The following SHANK2 variants were observed in gnomAD, a reference collection of about 807,000 sequenced individuals.
The protein encoded by SHANK2 is SH3 and multiple ankyrin repeat domains protein 2.
In SHANK2, 43 loss-of-function variants were observed where a neutral mutation model predicts 133.7. The ratio of observed to expected loss-of-function variants is 0.32; its 90% CI spans 0.25 to 0.41. SHANK2 has a LOEUF of 0.41. SHANK2 is among the 10% of genes least tolerant of loss of function. The probability of loss-of-function intolerance (pLI) is 1.00; values close to 1 mark genes in which losing one functional copy is unlikely to be tolerated. For synonymous variants in SHANK2, 1,017 were observed against 952.8 expected, an observed-to-expected ratio of 1.07 and a Z score of -1.24; for missense variants, 1,994 against 2,235.8, an observed-to-expected ratio of 0.89 and a Z score of 2.18.
At chr11:71,064,491 G>A (rs1437285737) in intron 9 of SHANK2, among the ~76,000 whole-genome samples, 2 of 152,214 alleles carry the variant, frequency 1.3e-5, no homozygotes, top group Admixed American at 6.5e-5. Context: ...AAGGGCACAG[G>A]ACACAAGCCC....
intron 17 of SHANK2, among the ~76,000 whole-genome samples, chr11:70,659,411 G>A (rs1293579628): frequency 1.3e-5 from 2 of 152,028 alleles, no homozygotes; most frequent in African/African-American, 2.4e-5. Flanking sequence ...CAGACCTCAC[G>A]CCAGCAACTG....
At chr11:71,195,103 G>T (rs1159485265) in intron 2 of SHANK2, among the ~76,000 whole-genome samples, 1 of 152,214 alleles carries the variant, frequency 6.6e-6, no homozygotes, top group Non-Finnish European at 1.5e-5. Context: ...ATTAAAAAGT[G>T]CCTAACTGGC....
intron 3 of SHANK2, among the ~76,000 whole-genome samples, chr11:71,144,810 C>T (rs1328174469): frequency 6.6e-6 from 1 of 152,178 alleles, no homozygotes; most frequent in Non-Finnish European, 1.5e-5. Flanking sequence ...ATCTTTTTCT[C>T]CTCTTATATT....
chr11:70,627,043 G>A (rs1280512887), intron 17 of SHANK2, among the ~76,000 whole-genome samples: 1 of 152,212 alleles, frequency 6.6e-6, no homozygotes, highest in Non-Finnish European at 1.5e-5. Flanking sequence ...GAGCCTGGAG[G>A]TGGGGGGCGT....
chr11:70,764,888 T>C (rs895007043), intron 14 of SHANK2, among the ~76,000 whole-genome samples: 1 of 152,178 alleles, frequency 6.6e-6, no homozygotes, highest in South Asian at 2.1e-4. Flanking sequence ...TTAGCACCTG[T>C]TTTATGCCAA....
intron 3 of SHANK2, among the ~76,000 whole-genome samples, chr11:71,133,976 C>T (rs1952385200): frequency 6.7e-6 from 1 of 149,238 alleles, no homozygotes; most frequent in Non-Finnish European, 1.5e-5. Flanking sequence ...CCCAGGTGAT[C>T]CCCCTGCCTG....
intron 14 of SHANK2, among the ~76,000 whole-genome samples, chr11:70,775,150 C>T (rs1947334418): frequency 6.6e-6 from 1 of 152,032 alleles, no homozygotes; most frequent in African/African-American, 2.4e-5. Flanking sequence ...CAAAGGCAAT[C>T]CTGTCTCTTA....
At chr11:70,591,976 C>A (rs1565158092) in intron 17 of SHANK2, among the ~76,000 whole-genome samples, 1 of 151,882 alleles carries the variant, frequency 6.6e-6, no homozygotes. Flanking sequence ...TGAGATGGCA[C>A]CATCCAAGAT....
Position 70,500,499 on chromosome 11 carries a change from C to A in SHANK2, c.2308+71G>T. The A allele has an allele frequency of 6.4e-7, 1 of 1,563,112 alleles. No individual in the cohort carries two copies. The highest frequency in any genetic ancestry group is 8.7e-7 in the Non-Finnish European group (1 of 1,152,242). On this transcript the variant is annotated intron_variant, in intron 21 of 25. Coordinates refer to ENST00000601538, the MANE Select transcript of SHANK2 (RefSeq NM_012309.5). The surrounding 1 kb of genome is among the most constrained non-coding windows in gnomAD (Gnocchi z 4.5). Reference sequence around the variant, plus strand: ...CGACACATTTGAGACTTCACGGCATCACAAAGGATGTTTCTGTTCCACAGG... The same window carrying A: ...CGACACATTTGAGACTTCACGGCATAACAAAGGATGTTTCTGTTCCACAGG...
At position 70,931,887 on chromosome 11, in the gene SHANK2, GA is replaced by G. The variant is rs560622421; in HGVS notation, c.1108-35321del. ...AAATCATACTAATGTTTTTTATAAA[GA>G]AAGAAAAACATCATCCATCTTCAAG... is the stretch of plus-strand genomic sequence containing the variant. On this transcript the variant is annotated intron_variant, in intron 10 of 25. Coordinates refer to ENST00000601538, the MANE Select transcript of SHANK2 (RefSeq NM_012309.5). Among the ~76,000 whole-genome samples, 11 of 152,228 alleles carry G rather than the reference GA, an allele frequency of 7.2e-5. No homozygotes were observed. The South Asian group carries it at 2.1e-3, about 29-fold the overall frequency.
chr11:70,617,007 CTGAG>C (rs1554996164), intron 17 of SHANK2, among the ~76,000 whole-genome samples: 2 of 151,826 alleles, frequency 1.3e-5, no homozygotes, highest in South Asian at 2.1e-4. Context: ...CTGTGTGTCA[CTGAG>C]TGTGTGCCTA....
chr11:70,579,237 C>T (rs1371567272), intron 17 of SHANK2, among the ~76,000 whole-genome samples: 1 of 152,192 alleles, frequency 6.6e-6, no homozygotes, highest in Non-Finnish European at 1.5e-5. Context: ...TCATATTTCT[C>T]AAGAAAATCA....
intron 2 of SHANK2, among the ~76,000 whole-genome samples, chr11:71,167,648 G>C (rs1953195536): frequency 6.8e-6 from 1 of 147,702 alleles, no homozygotes; most frequent in Non-Finnish European, 1.5e-5. Context: ...TCCCGGACAG[G>C]ACAGCTGGCC....
At chr11:70,876,300 G>T (rs1242235561) in intron 11 of SHANK2, among the ~76,000 whole-genome samples, 1 of 140,536 alleles carries the variant, frequency 7.1e-6, no homozygotes, top group African/African-American at 2.6e-5. Context: ...GGTGGCTCAC[G>T]CCTGTAATCC....
chr11:70,678,088 C>T (rs1944939397), intron 15 of SHANK2, among the ~76,000 whole-genome samples: 1 of 152,180 alleles, frequency 6.6e-6, no homozygotes, highest in African/African-American at 2.4e-5. Context: ...TTAAATCTTC[C>T]CCATTCTCCA....
Position 70,487,409 on chromosome 11 carries a change from CCAAGGAGTA to C in SHANK2, c.2875_2883del (p.Tyr959_Leu961del). On this transcript the variant is annotated inframe_deletion, in exon 25 of 26. Transcript: ENST00000601538. The surrounding 1 kb of genome is among the most constrained non-coding windows in gnomAD (Gnocchi z 5.8). ...TTCCGACTGTAGAGGTCTTCAGAGT[CCAAGGAGTA>C]GCGGTCCAGCTCTCTCCTGAAGTAC... The C allele has an allele frequency of 6.2e-7, 1 of 1,614,130 alleles. No homozygotes were observed. Among genetic ancestry groups the C allele is most frequent in the Non-Finnish European group, 8.5e-7 (1 of 1,180,042 alleles).
At chr11:70,833,406 C>A (rs781989596) in intron 11 of SHANK2, among the ~76,000 whole-genome samples, 5 of 152,226 alleles carry the variant, frequency 3.3e-5, no homozygotes, top group Non-Finnish European at 7.3e-5. Context: ...TGCTGGTGAC[C>A]CAGACCCTGA....
chr11:70,493,704 A>G (rs78125207), intron 21 of SHANK2, among the ~76,000 whole-genome samples: 6,972 of 152,180 alleles, frequency 0.046, 292 homozygotes, highest in African/African-American at 0.11. Context: ...CCAGTGTGGT[A>G]TCTGGTGGGT....
intron 17 of SHANK2, 140 bp from the exon 18 acceptor site, chr11:70,503,071 T>C (rs2059084417): frequency 3.2e-6 from 3 of 946,432 alleles, no homozygotes; most frequent in South Asian, 2.6e-5. Context: ...CGTCATCTTT[T>C]TGGAAGCAAA....
Sources: gnomAD v4.1 joint callset for allele counts (sites outside exome capture counted in the v4.1 genomes callset) on GRCh38, gnomAD v4.1.1 for gene constraint, Gnocchi (gnomAD v3.1) non-coding constraint, MANE v1.5 for transcripts, NCBI Gene and HGNC (gene_info 2026-07-23, HGNC 2026-07-21) for gene names.